The following AGPAT4 variants were observed in gnomAD, a reference collection of about 807,000 sequenced individuals.
AGPAT4 encodes the protein 1-acyl-sn-glycerol-3-phosphate acyltransferase delta.
AGPAT4 carries 15 observed loss-of-function variants against 48.0 expected under a neutral mutation model. The observed-to-expected ratio is 0.31, with a 90% CI of 0.21 to 0.48. The LOEUF is 0.48. Ranked by LOEUF, AGPAT4 falls within the 20% of genes least tolerant of loss-of-function variation. AGPAT4 has a pLI of 0.99. For synonymous variants in AGPAT4, 178 were observed against 198.7 expected (o/e 0.90, Z 0.88); for missense variants, 314 against 482.5 (o/e 0.65, Z 3.27).
At chr6:161,188,378 T>C (rs1460305413) in intron 2 of AGPAT4, among the ~76,000 whole-genome samples, 1 of 152,220 alleles carries the variant, frequency 6.6e-6, no homozygotes, top group African/African-American at 2.4e-5. Flanking sequence ...TCTATCAGAC[T>C]TGTGATAAAT....
At position 161,264,732 on chromosome 6, in the gene AGPAT4, G is replaced by A. The variant is rs1050230986; in HGVS notation, c.-90+9206C>T. Among the ~76,000 whole-genome samples the A allele has an allele frequency of 6.6e-6, 1 of 152,184 alleles. No individual in the cohort carries two copies. Among genetic ancestry groups the A allele is most frequent in the Non-Finnish European group, 1.5e-5 (1 of 68,016 alleles). On this transcript the variant is annotated intron_variant, in intron 1 of 8. Coordinates refer to ENST00000320285, the MANE Select transcript of AGPAT4 (RefSeq NM_020133.3). This position sits in a 1 kb window ranked among gnomAD's most constrained non-coding sequence, Gnocchi z 6.8. ...AGAAACGCTGAAAGGGGATTCTGGA[G>A]TTGGGTGGGGAGTTGGAATAACTGA...
rs1783034280 is a variant in AGPAT4, at chr6:161,259,267, G to C, written c.-90+14671C>G. On this transcript the variant is annotated intron_variant, in intron 1 of 8. Transcript: ENST00000320285. The surrounding 1 kb of genome is among the most constrained non-coding windows in gnomAD (Gnocchi z 4.9). ...AGAAAGTTTAAAATCTATTCTTTTA[G>C]TAATGTTTAAATACACATTATTCTT... Among the ~76,000 whole-genome samples the C allele has an allele frequency of 6.6e-6, 1 of 152,028 alleles. No individual in the cohort carries two copies. Among genetic ancestry groups the C allele is most frequent in the Non-Finnish European group, 1.5e-5 (1 of 68,012 alleles).
rs897500343 is a variant in AGPAT4 at position 161,164,268 on chromosome 6, C to A, written c.348+1980G>T. Among the ~76,000 whole-genome samples the A allele has an allele frequency of 6.6e-6, 1 of 152,206 alleles. No individual in the cohort carries two copies. The highest frequency in any genetic ancestry group is 1.5e-5 in the Non-Finnish European group (1 of 68,030). ...CCCTCCCTGCATGTGTTGTGGGGCT[C>A]ACCTTCTCCCTCATCTGTGCCTGTC... On this transcript the variant is annotated intron_variant, in intron 3 of 8. Coordinates refer to ENST00000320285, the MANE Select transcript of AGPAT4 (RefSeq NM_020133.3). This position sits in a 1 kb window ranked among gnomAD's most constrained non-coding sequence, Gnocchi z 7.4.
At chr6:161,160,132 T>TG (rs1779885060) in intron 3 of AGPAT4, 1 of 127,982 alleles carries the variant, frequency 7.8e-6, no homozygotes, top group African/African-American at 3.1e-5. Flanking sequence ...TTTTTTTTTT[T>TG]TGTATTTTTA....
rs928876481 is a variant in AGPAT4, at chr6:161,196,257, G to T, written c.179-29840C>A. Among the ~76,000 whole-genome samples the T allele has an allele frequency of 1.3e-5, 2 of 152,188 alleles. No individual in the cohort carries two copies. Among genetic ancestry groups the T allele is most frequent in the African/African-American group, 2.4e-5 (1 of 41,454 alleles). On this transcript the variant is annotated intron_variant, in intron 2 of 8. Coordinates refer to ENST00000320285, the MANE Select transcript of AGPAT4 (RefSeq NM_020133.3). The surrounding 1 kb of genome is among the most constrained non-coding windows in gnomAD (Gnocchi z 4.3). Reference sequence around the variant, plus strand: ...TTAAGAAAAAGCCAGGAACTGGAGAGGCTAGGGGCTGGAGGGAAATCTGCA... The same window carrying T: ...TTAAGAAAAAGCCAGGAACTGGAGATGCTAGGGGCTGGAGGGAAATCTGCA...
chr6:161,190,128 G>T (rs1404650516), intron 2 of AGPAT4, among the ~76,000 whole-genome samples: 2 of 152,216 alleles, frequency 1.3e-5, no homozygotes, highest in African/African-American at 4.8e-5. Flanking sequence ...CAGGGTCAGG[G>T]GAAGGGAGGG....
In AGPAT4 at chr6:161,140,466, G is replaced by A. The variant is rs899726846; in HGVS notation, c.844-846C>T. Among the ~76,000 whole-genome samples the A allele has an allele frequency of 6.6e-6, 1 of 152,228 alleles. No individual in the cohort carries two copies. Among genetic ancestry groups the A allele is most frequent in the Non-Finnish European group, 1.5e-5 (1 of 68,044 alleles). The stretch of plus-strand genomic sequence containing the variant: ...CTCATGGCGCTCCTTGCAGTCCCTG[G>A]GTGAGAACAGGGGACTCACGGCCCC... On this transcript the variant is annotated intron_variant, in intron 7 of 8. Coordinates refer to ENST00000320285, the MANE Select transcript of AGPAT4 (RefSeq NM_020133.3). This position sits in a 1 kb window ranked among gnomAD's most constrained non-coding sequence, Gnocchi z 6.5.
chr6:161,194,444 T>TTGTG (rs34145722), intron 2 of AGPAT4, among the ~76,000 whole-genome samples: 1,820 of 148,808 alleles, frequency 0.012, 31 homozygotes, highest in African/African-American at 0.034. Context: ...GTGTGTGTGT[T>TTGTG]TGTGTGTGTG....
In AGPAT4 at chr6:161,242,834, G is replaced by C. The variant is rs1426552081; in HGVS notation, c.-89-10532C>G. Among the ~76,000 whole-genome samples, 2 of 152,146 alleles carry C rather than the reference G, an allele frequency of 1.3e-5. No homozygotes were observed. The highest frequency in any genetic ancestry group is 1.9e-4 in the East Asian group (1 of 5,186). ...ACCTGTCATCCCAGCACTTTGGGAGGGGGTGGGTGGCTCACCTGAGGTCAG... is the reference window on the plus strand; with the variant it reads ...ACCTGTCATCCCAGCACTTTGGGAGCGGGTGGGTGGCTCACCTGAGGTCAG... On this transcript the variant is annotated intron_variant, in intron 1 of 8. Transcript: ENST00000320285. This position sits in a 1 kb window ranked among gnomAD's most constrained non-coding sequence, Gnocchi z 5.0.
In AGPAT4 at chr6:161,182,861, G is replaced by A. The variant is rs147734133; in HGVS notation, c.179-16444C>T. Among the ~76,000 whole-genome samples, 380 of 152,324 alleles carry A rather than the reference G, an allele frequency of 2.5e-3. 3 individuals are homozygous for A. The highest frequency in any genetic ancestry group is 7.1e-3 in the African/African-American group (295 of 41,570). On this transcript the variant is annotated intron_variant, in intron 2 of 8. Transcript: ENST00000320285. ...TCTGGAGATTACAGCACATGGACGCGGAGTGGACAACCTCAGGAGTGAACA... is the reference window on the plus strand; with the variant it reads ...TCTGGAGATTACAGCACATGGACGCAGAGTGGACAACCTCAGGAGTGAACA...
At position 161,158,820 on chromosome 6, in the gene AGPAT4, G is replaced by C. The variant is rs889176829; in HGVS notation, c.349-4510C>G. On this transcript the variant is annotated intron_variant, in intron 3 of 8. Transcript: ENST00000320285. This position sits in a 1 kb window ranked among gnomAD's most constrained non-coding sequence, Gnocchi z 5.3. Reference sequence around the variant, plus strand: ...TGAAGATTCCAAACCCCGGTGCTGCGAGCAGCATGGCTGGGAGCAGCAGGG... The same window carrying C: ...TGAAGATTCCAAACCCCGGTGCTGCCAGCAGCATGGCTGGGAGCAGCAGGG... Among the ~76,000 whole-genome samples the C allele has an allele frequency of 6.6e-6, 1 of 152,164 alleles. No homozygotes were observed.
In AGPAT4 at chr6:161,136,035, G is replaced by A. The variant is rs1375289678; in HGVS notation, c.*505C>T. 6.3e-6 allele frequency: 1 copy of A among 158,060 alleles called. No homozygotes were observed. The highest frequency in any genetic ancestry group is 1.9e-4 in the South Asian group (1 of 5,304). 9.8% of individuals were successfully genotyped at this position (158,060 alleles called of 1,614,324 possible). Reference sequence around the variant, plus strand: ...ACACCAAAGCCACGGGCAAGGGCAGGATGGAGGGGCAGCGGTCCATGTCAA... The same window carrying A: ...ACACCAAAGCCACGGGCAAGGGCAGAATGGAGGGGCAGCGGTCCATGTCAA... On this transcript the variant is annotated 3_prime_UTR_variant, in exon 9 of 9. Transcript: ENST00000320285.
At chr6:161,260,491 C>T (rs1025323762) in intron 1 of AGPAT4, among the ~76,000 whole-genome samples, 6 of 151,378 alleles carry the variant, frequency 4.0e-5, no homozygotes, top group African/African-American at 1.5e-4. Context: ...GAAACCCCAT[C>T]TCTACTAAAA....
At chr6:161,145,465 G>T (rs1779391812) in intron 7 of AGPAT4, among the ~76,000 whole-genome samples, 1 of 151,580 alleles carries the variant, frequency 6.6e-6, no homozygotes, top group African/African-American at 2.4e-5. Context: ...AGGGAAAAAA[G>T]GTATCAGGAT....
Position 161,131,318 on chromosome 6 carries a change from C to T in AGPAT4, c.*5222G>A, listed in dbSNP as rs1342540074. 2 of 155,674 alleles carry T rather than the reference C, an allele frequency of 1.3e-5. No homozygotes were observed. Among genetic ancestry groups the T allele is most frequent in the African/African-American group, 4.8e-5 (2 of 41,508 alleles). 9.6% of individuals were successfully genotyped at this position (155,674 alleles called of 1,614,324 possible). A position where few individuals can be genotyped will look rare whatever the true frequency, so the allele number is the denominator to read the frequency against. On this transcript the variant is annotated 3_prime_UTR_variant, in exon 9 of 9. Transcript: ENST00000320285. ...TTCATATTAAACTAGGATGAGGCTGCAGGAGCTGAGGAAGGAAGGCCTGGG... is the reference window on the plus strand; with the variant it reads ...TTCATATTAAACTAGGATGAGGCTGTAGGAGCTGAGGAAGGAAGGCCTGGG...
rs1247116490 is a variant in AGPAT4 at position 161,144,485 on chromosome 6, AAGG to A, written c.843+2036_843+2038del. 2.6e-5 allele frequency among the ~76,000 whole-genome samples: 4 copies of A among 152,178 alleles called. No homozygotes were observed. Among genetic ancestry groups the A allele is most frequent in the Non-Finnish European group, 4.4e-5 (3 of 68,026 alleles). ...AACACCCTAAGAGACTTTTAACAAG[AAGG>A]AGATGTGCCTCTCAGCTTGGTTTAC... On this transcript the variant is annotated intron_variant, in intron 7 of 8. Coordinates refer to ENST00000320285, the MANE Select transcript of AGPAT4 (RefSeq NM_020133.3). The surrounding 1 kb of genome is among the most constrained non-coding windows in gnomAD (Gnocchi z 6.6).
rs766786467 is a variant in AGPAT4, at chr6:161,166,364, C to A, written c.232G>T (p.Asp78Tyr). 1 of 1,613,984 alleles carries A rather than the reference C, an allele frequency of 6.2e-7. No homozygotes were observed. Among genetic ancestry groups the A allele is most frequent in the Non-Finnish European group, 8.5e-7 (1 of 1,179,952 alleles). ...CCATACTTGAGGTAGGCGCGCGGGT[C>A]CGTGAAGATGGTGCATTCCGTGCCC... Reference protein sequence around the residue: ...WSGTECTIFTDPRAYLKYGKE... With the variant: ...WSGTECTIFTYPRAYLKYGKE... Residue 78 changes from aspartate to tyrosine, a missense_variant, in exon 3 of 9, where the codon GAC (aspartate) becomes TAC (tyrosine). Transcript: ENST00000320285. This position sits in a 1 kb window ranked among gnomAD's most constrained non-coding sequence, Gnocchi z 6.7.
rs1781384127 is a variant in AGPAT4, at chr6:161,206,585, C to T, written c.178+25451G>A. ...TCTGTTAAAACAAGTTTAAGTAAGA[C>T]CTACCGTCTAATAACATAATTCTCC... On this transcript the variant is annotated intron_variant, in intron 2 of 8. Transcript: ENST00000320285. This position sits in a 1 kb window ranked among gnomAD's most constrained non-coding sequence, Gnocchi z 4.8. 6.6e-6 allele frequency among the ~76,000 whole-genome samples: 1 copy of T among 152,216 alleles called. No homozygotes were observed. The highest frequency in any genetic ancestry group is 6.5e-5 in the Admixed American group (1 of 15,296).
At chr6:161,162,208 G>A (rs1478695207) in intron 3 of AGPAT4, among the ~76,000 whole-genome samples, 1 of 152,236 alleles carries the variant, frequency 6.6e-6, no homozygotes, top group Non-Finnish European at 1.5e-5. Context: ...TCACCGTGGG[G>A]TGGGCAGCCG....
Sources: allele counts gnomAD v4.1 joint callset (sites outside exome capture counted in the v4.1 genomes callset), GRCh38; gene constraint gnomAD v4.1.1; non-coding constraint Gnocchi (gnomAD v3.1); transcripts MANE v1.5; gene names NCBI Gene and HGNC (gene_info 2026-07-23, HGNC 2026-07-21).